Variants in DNAJC5B observed in about 807,000 individuals in gnomAD.
DNAJC5B encodes the protein DnaJ heat shock protein family (Hsp40) member C5 beta.
In DNAJC5B, 23 loss-of-function variants were observed where a neutral mutation model predicts 24.7. The ratio of observed to expected loss-of-function variants is 0.93; its 90% CI spans 0.67 to 1.32. DNAJC5B has a LOEUF of 1.32. Ranked by LOEUF, DNAJC5B falls within the 40% of genes most tolerant of loss-of-function variation. DNAJC5B has a pLI of 0.00. For missense variants in DNAJC5B, 238 were observed against 240.8 expected (o/e 0.99, Z 0.08); for synonymous variants, 101 against 90.1 (o/e 1.12, Z -0.68).
chr8:66,054,089 C>T (rs1314994857), intron 3 of DNAJC5B, among the ~76,000 whole-genome samples: 1 of 151,746 alleles, frequency 6.6e-6, no homozygotes, highest in Non-Finnish European at 1.5e-5. Context: ...TTACTTATTC[C>T]TTATACTTAA....
chr8:66,037,763 A>G (rs1281647188), intron 1 of DNAJC5B, among the ~76,000 whole-genome samples: 7 of 152,270 alleles, frequency 4.6e-5, no homozygotes, highest in African/African-American at 7.2e-5. Flanking sequence ...CAGAAGCTCT[A>G]CTAATGAGTT....
intron 1 of DNAJC5B, among the ~76,000 whole-genome samples, chr8:66,042,600 T>C (rs912991387): frequency 8.8e-5 from 5 of 57,022 alleles, no homozygotes; most frequent in South Asian, 5.7e-4. Flanking sequence ...CTTCTTCCTC[T>C]TCTTCTTCTT....
chr8:66,038,688 T>A (rs1806541300), intron 1 of DNAJC5B, among the ~76,000 whole-genome samples: 1 of 152,220 alleles, frequency 6.6e-6, no homozygotes, highest in Non-Finnish European at 1.5e-5. Flanking sequence ...TCTACCTTTT[T>A]TTAAGCTAAC....
chr8:66,099,962 G>A lies in DNAJC5B; in HGVS notation c.531G>A (p.Gln177=), dbSNP rs750591062. Residue 177 remains glutamine (Q), a synonymous_variant, in exon 6 of 6, where the codon CAG becomes CAA. Transcript: ENST00000276570. ...ATGTGGACTTTCCAGTTTTTCTCCAGCCTACAAATGCAAATGAGAAAACAC... is the reference window on the plus strand; with the variant it reads ...ATGTGGACTTTCCAGTTTTTCTCCAACCTACAAATGCAAATGAGAAAACAC... ...EKDVDFPVFL[Q]PTNANEKTQL... 5.6e-6 allele frequency: 9 copies of A among 1,613,870 alleles called. No homozygotes were observed. The Admixed American group carries it at 1.5e-4, about 27-fold the overall frequency.
intron 3 of DNAJC5B, among the ~76,000 whole-genome samples, chr8:66,063,686 G>A (rs7010033): frequency 0.11 from 16,418 of 152,086 alleles, 1,312 homozygotes; most frequent in East Asian, 0.32. Context: ...GAATCATTAC[G>A]ATCCGTAACT....
Position 66,100,114 on chromosome 8 carries a change from A to G in DNAJC5B, c.*83A>G. The G allele has an allele frequency of 1.7e-6, 2 of 1,191,556 alleles. No homozygotes were observed. The highest frequency in any genetic ancestry group is 3.1e-5 in the South Asian group (2 of 64,268). The allele number at this position is 1,191,556 out of a possible 1,614,324, so 73.8% of individuals were successfully genotyped here. On this transcript the variant is annotated 3_prime_UTR_variant, in exon 6 of 6. Transcript: ENST00000276570. ...GGTCGTAGGGGAGCGTGTGGGGCAT[A>G]AAGTGCTGTGAACTTTTCCATCTTG... is the stretch of plus-strand genomic sequence containing the variant.
At chr8:66,023,197 A>G (rs1297747963) in intron 1 of DNAJC5B, among the ~76,000 whole-genome samples, 3 of 151,982 alleles carry the variant, frequency 2.0e-5, no homozygotes, top group Non-Finnish European at 4.4e-5. Flanking sequence ...AAGCCCCCTC[A>G]CTCTTAGCCT....
chr8:66,029,733 G>A (rs1413422621), intron 1 of DNAJC5B, among the ~76,000 whole-genome samples: 1 of 152,052 alleles, frequency 6.6e-6, no homozygotes, highest in African/African-American at 2.4e-5. Context: ...AAATGGAGAG[G>A]GTGAGTGAAA....
At chr8:66,043,990 T>C (rs1036768839) in intron 2 of DNAJC5B, among the ~76,000 whole-genome samples, 3 of 151,930 alleles carry the variant, frequency 2.0e-5, no homozygotes, top group Non-Finnish European at 4.4e-5. Flanking sequence ...CCACAGCTAA[T>C]TTTTGTACTT....
At position 66,076,814 on chromosome 8, in the gene DNAJC5B, G is replaced by A. The variant is rs748275061; in HGVS notation, c.274G>A (p.Glu92Lys). 4.3e-6 allele frequency: 7 copies of A among 1,614,150 alleles called. No individual in the cohort carries two copies. Among genetic ancestry groups the A allele is most frequent in the South Asian group, 1.1e-5 (1 of 91,080 alleles). ...KYGSLGLYVA[E>K]QFGDENVNTY... ...CGGATCGCTGGGACTCTACGTGGCC[G>A]AGCAGTTTGGAGACGAAAACGTTAA... is the stretch of plus-strand genomic sequence containing the variant. The change falls in exon 4 of 6, where the codon GAG (glutamate) becomes AAG (lysine). Residue 92 changes from glutamate to lysine, a missense_variant. Coordinates refer to ENST00000276570, the MANE Select transcript of DNAJC5B (RefSeq NM_033105.6).
chr8:66,027,831 T>C (rs1369316765), intron 1 of DNAJC5B, among the ~76,000 whole-genome samples: 1 of 152,232 alleles, frequency 6.6e-6, no homozygotes, highest in Non-Finnish European at 1.5e-5. Context: ...CACTCCTTTC[T>C]ATGCCAAATG....
chr8:66,077,635 G>T (rs41450549), intron 4 of DNAJC5B, among the ~76,000 whole-genome samples: 2,265 of 152,044 alleles, frequency 0.015, 51 homozygotes, highest in African/African-American at 0.051. Context: ...TTTTGTGGAC[G>T]GTTCACATTC....
intron 3 of DNAJC5B, among the ~76,000 whole-genome samples, chr8:66,058,965 G>A (rs1472424188): frequency 6.6e-6 from 1 of 152,104 alleles, no homozygotes; most frequent in African/African-American, 2.4e-5. Flanking sequence ...GTACTACTGT[G>A]GATGAAAAAA....
At chr8:66,066,955 G>T (rs908308622) in intron 3 of DNAJC5B, among the ~76,000 whole-genome samples, 2 of 152,090 alleles carry the variant, frequency 1.3e-5, no homozygotes, top group Non-Finnish European at 2.9e-5. Context: ...GTTTCAGCCT[G>T]CAGTGAAGAA....
chr8:66,077,369 G>A (rs1807490836), intron 4 of DNAJC5B, among the ~76,000 whole-genome samples: 1 of 152,160 alleles, frequency 6.6e-6, no homozygotes, highest in Admixed American at 6.6e-5. Flanking sequence ...GAATTTACTA[G>A]TGGAGGACAG....
rs111678390 is a variant in DNAJC5B at position 66,082,150 on chromosome 8, A to C, written c.505+1602A>C. On this transcript the variant is annotated intron_variant, in intron 5 of 5. Coordinates refer to ENST00000276570, the MANE Select transcript of DNAJC5B (RefSeq NM_033105.6). ...GGTTGCTGGCCCCATAGACCATAGGATCTCCCATAACATCCATCAGCCCAG... is the reference window on the plus strand; with the variant it reads ...GGTTGCTGGCCCCATAGACCATAGGCTCTCCCATAACATCCATCAGCCCAG... Among the ~76,000 whole-genome samples, 206 of 152,062 alleles carry C rather than the reference A, an allele frequency of 1.4e-3. 1 individual carries two copies. The highest frequency in any genetic ancestry group is 4.7e-3 in the African/African-American group (194 of 41,476).
intron 3 of DNAJC5B, among the ~76,000 whole-genome samples, chr8:66,060,031 T>C (rs1807047046): frequency 1.3e-5 from 2 of 152,196 alleles, no homozygotes; most frequent in South Asian, 4.1e-4. Flanking sequence ...AGGCTGGGCA[T>C]AGTGGATGGC....
chr8:66,100,605 AC>A lies in DNAJC5B; in HGVS notation c.*576del. On this transcript the variant is annotated 3_prime_UTR_variant, in exon 6 of 6. Transcript: ENST00000276570. Reference sequence around the variant, plus strand: ...AATTGGCATTTACTGAAAACTGGAAACCAGGAAGAAACAGGTTTTGTGTGTA... The same window carrying A: ...AATTGGCATTTACTGAAAACTGGAAACAGGAAGAAACAGGTTTTGTGTGTA... The A allele has an allele frequency of 6.6e-6, 1 of 152,282 alleles. No individual in the cohort carries two copies. The highest frequency in any genetic ancestry group is 3.4e-3 in the Middle Eastern group (1 of 294). The allele number at this position is 152,282 out of a possible 1,614,324, so 9.4% of individuals were successfully genotyped here.
intron 1 of DNAJC5B, among the ~76,000 whole-genome samples, chr8:66,034,044 G>A (rs1395771096): frequency 2.0e-5 from 3 of 151,114 alleles, no homozygotes; most frequent in Non-Finnish European, 3.0e-5. Flanking sequence ...ACCCCTCTGA[G>A]CCTCAGTTTC....
Sources: gnomAD v4.1 joint callset for allele counts (sites outside exome capture counted in the v4.1 genomes callset) on GRCh38, gnomAD v4.1.1 for gene constraint, MANE v1.5 for transcripts, NCBI Gene and HGNC (gene_info 2026-07-23, HGNC 2026-07-21) for gene names.